Variants in NAALADL2 observed in about 807,000 individuals in gnomAD.
The protein encoded by NAALADL2 is inactive N-acetylated-alpha-linked acidic dipeptidase-like protein 2.
NAALADL2 carries 76 observed loss-of-function variants against 87.2 expected under a neutral mutation model. The observed-to-expected ratio is 0.87, with a 90% CI of 0.72 to 1.05. NAALADL2 has a LOEUF of 1.05. Among genes scored for constraint, NAALADL2 ranks in the 50% least tolerant of loss-of-function variants. The pLI, the probability that NAALADL2 is intolerant of heterozygous loss-of-function variation, is 0.00. For synonymous variants in NAALADL2, 354 were observed against 331.0 expected, an observed-to-expected ratio of 1.07 and a Z score of -0.75; for missense variants, 1,089 against 945.8, an observed-to-expected ratio of 1.15 and a Z score of -1.99.
In NAALADL2 at chr3:175,701,929, T is replaced by G. The variant is rs544508835; in HGVS notation, c.1897-35377T>G. On this transcript the variant is annotated intron_variant, in intron 11 of 13. Transcript: ENST00000454872. Reference sequence around the variant, plus strand: ...ATTATGTGCCTCTGTTTTTAGAAACTGGATGAAAACCACACTGACACTAAT... The same window carrying G: ...ATTATGTGCCTCTGTTTTTAGAAACGGGATGAAAACCACACTGACACTAAT... Among the ~76,000 whole-genome samples the G allele has an allele frequency of 9.1e-4, 138 of 152,300 alleles. 1 individual carries two copies. The highest frequency in any genetic ancestry group is 3.2e-3 in the African/African-American group (133 of 41,568).
intron 1 of NAALADL2, among the ~76,000 whole-genome samples, chr3:174,464,673 A>G (rs926422088): frequency 4.6e-5 from 7 of 152,044 alleles, no homozygotes; most frequent in Non-Finnish European, 1.0e-4. Flanking sequence ...AAAATTAATT[A>G]AAACTAATAA....
intron 5 of NAALADL2, among the ~76,000 whole-genome samples, chr3:175,358,784 T>C (rs1384274337): frequency 6.6e-6 from 1 of 151,900 alleles, no homozygotes; most frequent in East Asian, 1.9e-4. Context: ...TAGCATATCT[T>C]TAAAAGATAA....
intron 1 of NAALADL2, among the ~76,000 whole-genome samples, chr3:174,956,331 G>A (rs1305032380): frequency 6.6e-6 from 1 of 151,928 alleles, no homozygotes; most frequent in Non-Finnish European, 1.5e-5. Context: ...GTTTTTATTT[G>A]GCAGAATGAT....
chr3:174,801,250 G>C (rs918030164), intron 3 of NAALADL2, among the ~76,000 whole-genome samples: 4 of 152,152 alleles, frequency 2.6e-5, no homozygotes, highest in African/African-American at 9.7e-5. Flanking sequence ...GACCCAGTGG[G>C]AGGTAATTGA....
chr3:175,234,124 TGCA>T lies in NAALADL2; in HGVS notation c.741_743del (p.Ser248del). The T allele has an allele frequency of 6.2e-7, 1 of 1,613,906 alleles. No homozygotes were observed. The highest frequency in any genetic ancestry group is 1.1e-5 in the South Asian group (1 of 91,086). On this transcript the variant is annotated inframe_deletion, in exon 3 of 14. Coordinates refer to ENST00000454872, the MANE Select transcript of NAALADL2 (RefSeq NM_207015.3). ...ATGCTTTCATCCTAATGGCCAGCCT[TGCA>T]GTGAAGAAGCCAGAAAAGATAGCAG...
rs200798787 is a variant in NAALADL2 at position 175,004,822 on chromosome 3, A to C, written c.44-91968A>C. Among the ~76,000 whole-genome samples, 27 of 152,140 alleles carry C rather than the reference A, an allele frequency of 1.8e-4. No homozygotes were observed. In the East Asian group the frequency reaches 5.2e-3, roughly 29 times the overall value. ...AAACATAAATGCAGTTCTTGTTTAG[A>C]CTTGGATCCCATCTATCTCTATTGT... is the stretch of plus-strand genomic sequence containing the variant. On this transcript the variant is annotated intron_variant, in intron 1 of 13. Coordinates refer to ENST00000454872, the MANE Select transcript of NAALADL2 (RefSeq NM_207015.3).
chr3:175,439,636 C>T (rs1461394909), intron 5 of NAALADL2, among the ~76,000 whole-genome samples: 1 of 150,256 alleles, frequency 6.7e-6, no homozygotes, highest in Non-Finnish European at 1.5e-5. Context: ...GTTTGTATAT[C>T]TTCTTGTGAA....
chr3:174,920,050 A>C (rs1161144921), intron 1 of NAALADL2, among the ~76,000 whole-genome samples: 3 of 152,208 alleles, frequency 2.0e-5, no homozygotes, highest in Non-Finnish European at 2.9e-5. Context: ...CATGTATGCT[A>C]TCATTCAGGC....
intron 1 of NAALADL2, among the ~76,000 whole-genome samples, chr3:174,892,462 C>CA (rs531987532): frequency 9.8e-4 from 148 of 150,710 alleles, no homozygotes; most frequent in Non-Finnish European, 1.7e-3. Flanking sequence ...ACAAAAAAGA[C>CA]AAAAAAAAGT....
intron 2 of NAALADL2, among the ~76,000 whole-genome samples, chr3:175,138,953 CTTTG>C (rs1729579278): frequency 9.3e-6 from 1 of 107,960 alleles, no homozygotes; most frequent in Non-Finnish European, 1.8e-5. Context: ...TTCTGTTATC[CTTTG>C]TTTATTTTAC....
At chr3:175,396,907 C>G (rs1769873235) in intron 5 of NAALADL2, among the ~76,000 whole-genome samples, 1 of 152,098 alleles carries the variant, frequency 6.6e-6, no homozygotes, top group African/African-American at 2.4e-5. Context: ...CTCCCCAACC[C>G]TGCAGAACTG....
At chr3:175,205,608 A>T (rs1181216931) in intron 2 of NAALADL2, among the ~76,000 whole-genome samples, 1 of 152,170 alleles carries the variant, frequency 6.6e-6, no homozygotes, top group Non-Finnish European at 1.5e-5. Context: ...GTCTTAATTA[A>T]ACTAAAGAGC....
intron 2 of NAALADL2, among the ~76,000 whole-genome samples, chr3:175,226,893 T>C (rs187048751): frequency 6.6e-6 from 1 of 152,236 alleles, no homozygotes; most frequent in East Asian, 1.9e-4. Context: ...GATTAAAAGG[T>C]AATTTCATCC....
intron 2 of NAALADL2, among the ~76,000 whole-genome samples, chr3:174,655,635 A>G: frequency 6.6e-6 from 1 of 152,318 alleles, no homozygotes; most frequent in African/African-American, 2.4e-5. Context: ...TTACCAAATT[A>G]AAGTATTAAA....
intron 1 of NAALADL2, among the ~76,000 whole-genome samples, chr3:174,970,026 T>G (rs1743411449): frequency 6.6e-6 from 1 of 152,222 alleles, no homozygotes; most frequent in South Asian, 2.1e-4. Context: ...TTTCTTTCTC[T>G]TCAAGCTTTT....
At chr3:175,413,674 CA>C (rs1714054142) in intron 5 of NAALADL2, among the ~76,000 whole-genome samples, 2 of 151,624 alleles carry the variant, frequency 1.3e-5, no homozygotes, top group African/African-American at 4.8e-5. Context: ...GAGACAAAGG[CA>C]GCCTCCAGTT....
At chr3:175,269,919 G>C (rs184280660) in intron 4 of NAALADL2, among the ~76,000 whole-genome samples, 1 of 152,100 alleles carries the variant, frequency 6.6e-6, no homozygotes, top group Non-Finnish European at 1.5e-5. Context: ...CAGAATGAGA[G>C]AGATACACAG....
At chr3:175,254,715 ATAT>A (rs1412130666) in intron 3 of NAALADL2, among the ~76,000 whole-genome samples, 1 of 152,200 alleles carries the variant, frequency 6.6e-6, no homozygotes, top group Non-Finnish European at 1.5e-5. Flanking sequence ...GTAATCATTA[ATAT>A]TATGTGATCA....
chr3:174,846,347 GTTGT>G (rs1322544545), intron 3 of NAALADL2, among the ~76,000 whole-genome samples: 1 of 152,180 alleles, frequency 6.6e-6, no homozygotes, highest in Non-Finnish European at 1.5e-5. Context: ...AGTAGTTGTA[GTTGT>G]TTATTTGTTG....
Sources: gnomAD v4.1 joint callset for allele counts (sites outside exome capture counted in the v4.1 genomes callset) on GRCh38, gnomAD v4.1.1 for gene constraint, MANE v1.5 for transcripts, NCBI Gene and HGNC (gene_info 2026-07-23, HGNC 2026-07-21) for gene names.